PPP2R2B: variants seen among roughly 807,000 people sequenced by gnomAD.
The protein encoded by PPP2R2B is serine/threonine-protein phosphatase 2A 55 kDa regulatory subunit B beta isoform.
A neutral mutation model predicts 46.0 loss-of-function variants in PPP2R2B; 5 were observed. The ratio of observed to expected loss-of-function variants is 0.11; its 90% CI spans 0.06 to 0.23. The LOEUF is 0.23. PPP2R2B is among the 10% of genes least tolerant of loss of function. The pLI, the probability that PPP2R2B is intolerant of heterozygous loss-of-function variation, is 1.00. For synonymous variants in PPP2R2B, 215 were observed against 206.7 expected, an observed-to-expected ratio of 1.04 and a Z score of -0.34; for missense variants, 367 against 575.0, an observed-to-expected ratio of 0.64 and a Z score of 3.70.
intron 2 of PPP2R2B, among the ~76,000 whole-genome samples, chr5:146,791,043 CAA>C (rs1756167544): frequency 6.6e-6 from 1 of 152,058 alleles, no homozygotes. Flanking sequence ...GAAGAAAAGG[CAA>C]AGAGAGACTA....
intron 1 of PPP2R2B, among the ~76,000 whole-genome samples, chr5:146,966,541 C>T (rs1213465531): frequency 6.6e-6 from 1 of 152,190 alleles, no homozygotes. Context: ...ACACTCTAAT[C>T]CATCATACCA....
intron 1 of PPP2R2B, among the ~76,000 whole-genome samples, chr5:146,902,095 A>G (rs1762853505): frequency 6.6e-6 from 1 of 152,096 alleles, no homozygotes; most frequent in Non-Finnish European, 1.5e-5. Context: ...TTACCTAAAG[A>G]CCTCACCATG....
intron 2 of PPP2R2B, among the ~76,000 whole-genome samples, chr5:146,796,334 C>T (rs1413606615): frequency 1.3e-5 from 2 of 152,162 alleles, no homozygotes; most frequent in East Asian, 3.9e-4. Context: ...GTGAGCAGAA[C>T]TTAAAACCAC....
At chr5:146,882,089 A>G (rs1762185317), upstream of PPP2R2B, among the ~76,000 whole-genome samples, 2 of 152,072 alleles carry the variant, frequency 1.3e-5, no homozygotes, top group South Asian at 4.1e-4. Flanking sequence ...CATCCTGGCT[A>G]ACATGGTGAA....
intron 2 of PPP2R2B, among the ~76,000 whole-genome samples, chr5:146,874,536 C>T (rs1196752046): frequency 6.6e-6 from 1 of 152,182 alleles, no homozygotes; most frequent in Non-Finnish European, 1.5e-5. Context: ...GCTTTCTCTG[C>T]ATCAAATAAT....
At chr5:146,733,215 T>C (rs1010405589) in intron 2 of PPP2R2B, among the ~76,000 whole-genome samples, 1 of 152,206 alleles carries the variant, frequency 6.6e-6, no homozygotes, top group African/African-American at 2.4e-5. Flanking sequence ...TCAGTGCAAG[T>C]TATGTGGGAA....
At chr5:146,660,799 A>G (rs1776621913) in intron 5 of PPP2R2B, among the ~76,000 whole-genome samples, 1 of 152,240 alleles carries the variant, frequency 6.6e-6, no homozygotes, top group Non-Finnish European at 1.5e-5. Context: ...TTAGAATTAT[A>G]TTCTTTCATT....
chr5:146,841,369 A>G (rs954041793), intron 2 of PPP2R2B, among the ~76,000 whole-genome samples: 5 of 152,164 alleles, frequency 3.3e-5, no homozygotes, highest in African/African-American at 1.2e-4. Flanking sequence ...CAGTCCAACT[A>G]GCTTCCACTG....
intron 2 of PPP2R2B, chr5:146,706,489 T>C (rs1779862021): frequency 4.2e-6 from 5 of 1,191,832 alleles, no homozygotes; most frequent in Middle Eastern, 2.9e-4. Context: ...GTCAGCTTGA[T>C]GTTCATCAGC....
At chr5:146,675,704 C>T (rs1581847438) in intron 5 of PPP2R2B, among the ~76,000 whole-genome samples, 3 of 152,218 alleles carry the variant, frequency 2.0e-5, no homozygotes, top group Admixed American at 2.0e-4. Flanking sequence ...TTGTCTTTGT[C>T]GTTCCTCTGG....
At chr5:146,668,057 C>A (rs1178353610) in intron 5 of PPP2R2B, among the ~76,000 whole-genome samples, 1 of 152,160 alleles carries the variant, frequency 6.6e-6, no homozygotes, top group Non-Finnish European at 1.5e-5. Flanking sequence ...TTCTATCCAC[C>A]CATCCATATC....
intron 2 of PPP2R2B, among the ~76,000 whole-genome samples, chr5:146,734,230 A>AT (rs1023198954): frequency 4.6e-5 from 7 of 151,578 alleles, no homozygotes; most frequent in Non-Finnish European, 4.4e-5. Flanking sequence ...TAATGTTTTT[A>AT]TTTTTTTGTA....
chr5:147,018,191 T>C (rs768629404), intron 1 of PPP2R2B, among the ~76,000 whole-genome samples: 4 of 152,090 alleles, frequency 2.6e-5, no homozygotes, highest in Non-Finnish European at 5.9e-5. Context: ...AGTACTATTA[T>C]ATGGAATAGA....
At chr5:146,637,418 C>T (rs184660448) in intron 7 of PPP2R2B, among the ~76,000 whole-genome samples, 14 of 152,218 alleles carry the variant, frequency 9.2e-5, no homozygotes, top group South Asian at 2.1e-4. Flanking sequence ...GCCCCTTCCC[C>T]GAAACAAAAA....
At chr5:146,968,320 T>A (rs1291308213) in intron 1 of PPP2R2B, among the ~76,000 whole-genome samples, 1 of 152,216 alleles carries the variant, frequency 6.6e-6, no homozygotes, top group Non-Finnish European at 1.5e-5. Context: ...ATTTATGTAC[T>A]TGTAAATTGA....
intron 1 of PPP2R2B, among the ~76,000 whole-genome samples, chr5:147,007,050 T>C (rs758140084): frequency 1.3e-5 from 2 of 152,222 alleles, no homozygotes; most frequent in Middle Eastern, 3.4e-3. Context: ...TTGTTTCCTC[T>C]AGAATTGAGG....
chr5:146,619,925 ATAT>A (rs1451132040), intron 7 of PPP2R2B, among the ~76,000 whole-genome samples: 1 of 152,148 alleles, frequency 6.6e-6, no homozygotes, highest in African/African-American at 2.4e-5. Context: ...TTATTTTTAA[ATAT>A]TATCTGTTCA....
chr5:146,721,801 C>G (rs1780816169), intron 2 of PPP2R2B, among the ~76,000 whole-genome samples: 1 of 152,204 alleles, frequency 6.6e-6, no homozygotes, highest in African/African-American at 2.4e-5. Context: ...CCACGCATAC[C>G]TCTTAAGTAG....
intron 1 of PPP2R2B, among the ~76,000 whole-genome samples, chr5:146,896,912 C>A (rs1762662651): frequency 1.3e-5 from 2 of 151,994 alleles, no homozygotes; most frequent in Admixed American, 1.3e-4. Context: ...AGAAGTGGAC[C>A]AGCTAAGAAA....
Sources: gnomAD v4.1 joint callset for allele counts (sites outside exome capture counted in the v4.1 genomes callset) on GRCh38, gnomAD v4.1.1 for gene constraint, MANE v1.5 for transcripts, NCBI Gene and HGNC (gene_info 2026-07-23, HGNC 2026-07-21) for gene names.